Variants in CDH4 observed in about 807,000 individuals in gnomAD.
CDH4 encodes the protein cadherin 4, also known as cadherin-4.
A neutral mutation model predicts 86.0 loss-of-function variants in CDH4; 33 were observed. The ratio of observed to expected loss-of-function variants is 0.38; its 90% CI spans 0.29 to 0.51. The LOEUF (loss-of-function observed/expected upper bound fraction) is 0.51. Ranked by LOEUF, CDH4 falls within the 20% of genes least tolerant of loss-of-function variation. CDH4 has a pLI of 0.86. For missense variants in CDH4, 1,114 were observed against 1,307.4 expected, an observed-to-expected ratio of 0.85 and a Z score of 2.28; for synonymous variants, 555 against 549.4, an observed-to-expected ratio of 1.01 and a Z score of -0.14.
intron 4 of CDH4, among the ~76,000 whole-genome samples, chr20:61,838,404 A>AACCAAGAAGCTCAAGCAGGAGC (rs1323077217): frequency 6.6e-6 from 1 of 152,046 alleles, no homozygotes; most frequent in Non-Finnish European, 1.5e-5. Flanking sequence ...TTGGCAAGAA[A>AACCAAGAAGCTCAAGCAGGAGC]ACCAAGAAGC....
At chr20:61,565,292 G>GTCCTCT (rs2086278461) in intron 2 of CDH4, among the ~76,000 whole-genome samples, 2 of 63,416 alleles carry the variant, frequency 3.2e-5, no homozygotes, top group African/African-American at 7.7e-5. Flanking sequence ...TGGGGTGATG[G>GTCCTCT]TGGTGGCGGT....
chr20:61,325,756 C>T (rs991039884), intron 2 of CDH4, among the ~76,000 whole-genome samples: 5 of 152,258 alleles, frequency 3.3e-5, no homozygotes, highest in South Asian at 2.1e-4. Flanking sequence ...AAAAAAGCAG[C>T]GCTGTCTGTA....
chr20:61,514,367 T>C (rs6121659), intron 2 of CDH4, among the ~76,000 whole-genome samples: 84,735 of 146,174 alleles, frequency 0.58, 25,764 homozygotes, highest in African/African-American at 0.78. Context: ...TGGCATTTTC[T>C]GTCTGGTGGG....
chr20:61,294,497 C>A (rs2084341420), intron 2 of CDH4, among the ~76,000 whole-genome samples: 1 of 152,238 alleles, frequency 6.6e-6, no homozygotes, highest in Admixed American at 6.5e-5. Context: ...CACCCTCCAC[C>A]CTATGCCCCT....
intron 10 of CDH4, 22 bp downstream of exon 10, chr20:61,923,726 C>T (rs765027924): frequency 1.2e-6 from 2 of 1,608,106 alleles, no homozygotes; most frequent in East Asian, 2.2e-5. Flanking sequence ...GGACATGCCT[C>T]GTCCCTGCCT....
intron 2 of CDH4, among the ~76,000 whole-genome samples, chr20:61,291,032 G>A (rs570566081): frequency 1.3e-4 from 20 of 152,048 alleles, no homozygotes; most frequent in African/African-American, 4.3e-4. Context: ...ATCTTCCCTC[G>A]TGGGGCATCT....
In CDH4 at chr20:61,421,370, G is replaced by A. The variant is rs539004918; in HGVS notation, c.169+166433G>A. Among the ~76,000 whole-genome samples the A allele has an allele frequency of 2.0e-5, 3 of 152,342 alleles. No homozygotes were observed. In the South Asian group the frequency reaches 6.2e-4, roughly 32 times the overall value. On this transcript the variant is annotated intron_variant, in intron 2 of 15. Transcript: ENST00000614565. ...CTGGACAGAATGGAAGCTACCGAAA[G>A]GGACTCACGTGAAGTGCATAGACGT...
chr20:61,747,722 C>T (rs59399908), intron 3 of CDH4, among the ~76,000 whole-genome samples: 14,808 of 151,750 alleles, frequency 0.098, 802 homozygotes, highest in South Asian at 0.22. Flanking sequence ...TGCTCTAAAG[C>T]GTGAAGAGAT....
At chr20:61,604,677 C>T (rs1264592948) in intron 2 of CDH4, among the ~76,000 whole-genome samples, 1 of 152,158 alleles carries the variant, frequency 6.6e-6, no homozygotes, top group Non-Finnish European at 1.5e-5. Flanking sequence ...TTTGAGAGCA[C>T]ACGTGCACAT....
At chr20:61,276,941 A>G (rs946858929) in intron 2 of CDH4, among the ~76,000 whole-genome samples, 3 of 152,182 alleles carry the variant, frequency 2.0e-5, no homozygotes, top group Non-Finnish European at 4.4e-5. Context: ...AGGTTCTCTA[A>G]AAGCTTTGAA....
At chr20:61,292,214 C>G (rs117752504) in intron 2 of CDH4, among the ~76,000 whole-genome samples, 1,565 of 152,258 alleles carry the variant, frequency 0.01, 15 homozygotes, top group Middle Eastern at 0.024. Context: ...TTCACAAGAG[C>G]AAAGACATGG....
intron 2 of CDH4, among the ~76,000 whole-genome samples, chr20:61,711,871 G>A (rs956037034): frequency 2.0e-5 from 3 of 152,156 alleles, no homozygotes; most frequent in Non-Finnish European, 4.4e-5. Flanking sequence ...GCTGCAGGGA[G>A]GAGGGGGCCA....
At chr20:61,267,888 C>T (rs2084165061) in intron 2 of CDH4, among the ~76,000 whole-genome samples, 1 of 152,202 alleles carries the variant, frequency 6.6e-6, no homozygotes. Context: ...AGTCTCCTGT[C>T]CTGTGTTTCC....
chr20:61,765,156 G>C (rs973367693), intron 3 of CDH4, among the ~76,000 whole-genome samples: 3 of 152,102 alleles, frequency 2.0e-5, no homozygotes, highest in African/African-American at 7.2e-5. Flanking sequence ...GGGCAGGTAG[G>C]CTCTGACCTT....
intron 3 of CDH4, among the ~76,000 whole-genome samples, chr20:61,747,943 A>T (rs1161592355): frequency 4.0e-4 from 11 of 27,520 alleles, no homozygotes; most frequent in South Asian, 1.2e-3. Flanking sequence ...AGAAATATTT[A>T]AAAAAAAAAA....
chr20:61,569,750 G>A (rs568274545), intron 2 of CDH4, among the ~76,000 whole-genome samples: 3 of 152,078 alleles, frequency 2.0e-5, no homozygotes, highest in African/African-American at 7.2e-5. Context: ...TGCATTTGCT[G>A]TCACGCCCTT....
intron 2 of CDH4, among the ~76,000 whole-genome samples, chr20:61,378,573 G>A (rs372011206): frequency 1.3e-5 from 2 of 152,140 alleles, no homozygotes; most frequent in African/African-American, 4.8e-5. Flanking sequence ...CTCACTTTGT[G>A]TCTTTCATAG....
Position 61,902,958 on chromosome 20 carries a change from G to A in CDH4, c.1189-7464G>A, listed in dbSNP as rs893668415. 5.5e-5 allele frequency among the ~76,000 whole-genome samples: 8 copies of A among 146,732 alleles called. No individual in the cohort carries two copies. Among genetic ancestry groups the A allele is most frequent in the Non-Finnish European group, 1.0e-4 (7 of 67,430 alleles). ...CACTTGAGCCCAGGAGTTCGAGGCT[G>A]CAGTGAGGTGTGATCATGCCACTAA... On this transcript the variant is annotated intron_variant, in intron 8 of 15. Transcript: ENST00000614565. The surrounding 1 kb of genome is among the most constrained non-coding windows in gnomAD (Gnocchi z 4.6).
At chr20:61,652,865 G>A (rs2087136431) in intron 2 of CDH4, among the ~76,000 whole-genome samples, 2 of 148,738 alleles carry the variant, frequency 1.3e-5, no homozygotes, top group African/African-American at 2.5e-5. Context: ...TTTTGGGGGG[G>A]GGATAAAAAA....
Sources: allele counts gnomAD v4.1 joint callset (sites outside exome capture counted in the v4.1 genomes callset), GRCh38; gene constraint gnomAD v4.1.1; non-coding constraint Gnocchi (gnomAD v3.1); transcripts MANE v1.5; gene names NCBI Gene and HGNC (gene_info 2026-07-23, HGNC 2026-07-21).